Variants in CAPZB observed in about 807,000 individuals in gnomAD.
CAPZB encodes the protein F-actin-capping protein subunit beta.
Under a neutral mutation model 38.1 loss-of-function variants are expected in CAPZB, and 2 were observed. That is an observed-to-expected ratio of 0.05 (90% CI 0.02 to 0.17). The LOEUF is 0.17. Among genes scored for constraint, CAPZB ranks in the 10% least tolerant of loss-of-function variants. The pLI is 1.00. For synonymous variants in CAPZB, 107 were observed against 127.4 expected, an observed-to-expected ratio of 0.84 and a Z score of 1.08; for missense variants, 161 against 334.2, an observed-to-expected ratio of 0.48 and a Z score of 4.04.
chr1:19,406,059 G>A (rs1160061429), intron 2 of CAPZB, among the ~76,000 whole-genome samples: 1 of 152,172 alleles, frequency 6.6e-6, no homozygotes, highest in African/African-American at 2.4e-5. Context: ...TGACTGACAG[G>A]GTCTCTAATG....
intron 1 of CAPZB, among the ~76,000 whole-genome samples, chr1:19,471,673 G>A (rs890007394): frequency 1.1e-4 from 17 of 152,112 alleles, no homozygotes; most frequent in South Asian, 6.2e-4. Flanking sequence ...GACCATCCTG[G>A]CTAACACGGT....
chr1:19,459,037 T>C (rs1224486750), intron 1 of CAPZB, among the ~76,000 whole-genome samples: 2 of 152,188 alleles, frequency 1.3e-5, no homozygotes, highest in African/African-American at 4.8e-5. Context: ...CAGGAAGGTG[T>C]GGTAGGGAAA....
At chr1:19,341,859 A>AC (rs1438600367) in intron 8 of CAPZB, among the ~76,000 whole-genome samples, 3 of 152,106 alleles carry the variant, frequency 2.0e-5, no homozygotes, top group Non-Finnish European at 2.9e-5. Flanking sequence ...TAAGTGCCTG[A>AC]CCCCACCTCC....
chr1:19,455,592 T>A (rs1012879361), intron 1 of CAPZB, among the ~76,000 whole-genome samples: 1 of 152,170 alleles, frequency 6.6e-6, no homozygotes, highest in Non-Finnish European at 1.5e-5. Flanking sequence ...CCCTGCCGCA[T>A]CTTGGGTCTC....
chr1:19,484,065 G>A, intron 1 of CAPZB: 1 of 944,396 alleles, frequency 1.1e-6, no homozygotes, highest in Non-Finnish European at 1.6e-6. Context: ...TGGCAGGAGG[G>A]CAGGTCTATC....
chr1:19,415,147 C>T (rs1026498220), intron 2 of CAPZB, among the ~76,000 whole-genome samples: 1 of 152,272 alleles, frequency 6.6e-6, no homozygotes, highest in Admixed American at 6.5e-5. Flanking sequence ...TTAAGCGAGG[C>T]CATTCCCTTC....
At chr1:19,373,675 TTTTTA>T (rs1167333894) in intron 4 of CAPZB, among the ~76,000 whole-genome samples, 5 of 145,302 alleles carry the variant, frequency 3.4e-5, no homozygotes, top group South Asian at 2.3e-4. Flanking sequence ...TTTCACATAT[TTTTTA>T]TTTTTTAGTT....
rs568167496 is a variant in CAPZB, at chr1:19,480,914, C to A, written c.3+4522G>T. Among the ~76,000 whole-genome samples, 7 of 152,338 alleles carry A rather than the reference C, an allele frequency of 4.6e-5. No individual in the cohort carries two copies. In the South Asian group the frequency reaches 1.4e-3, roughly 32 times the overall value. On this transcript the variant is annotated intron_variant, in intron 1 of 8. Transcript: ENST00000264202. ...AAAACCCAATTCCTCCACTTAGTAG[C>A]TAGACAGGGACTAACCATACACCCC...
chr1:19,422,729 A>AAACAACAACAAC (rs60458604), intron 1 of CAPZB, among the ~76,000 whole-genome samples: 2,807 of 150,434 alleles, frequency 0.019, 36 homozygotes, highest in Middle Eastern at 0.031. Context: ...TCCATCTCAA[A>AAACAACAACAAC]AACAACAACA....
intron 2 of CAPZB, among the ~76,000 whole-genome samples, chr1:19,407,520 G>A (rs577976163): frequency 6.6e-6 from 1 of 152,316 alleles, no homozygotes; most frequent in South Asian, 2.1e-4. Context: ...CAAGAGGTGA[G>A]CAGTGCTGAT....
intron 1 of CAPZB, among the ~76,000 whole-genome samples, chr1:19,436,171 C>G (rs765854018): frequency 6.6e-6 from 1 of 152,200 alleles, no homozygotes; most frequent in Non-Finnish European, 1.5e-5. Flanking sequence ...GAAAATTCCA[C>G]AAACAATTTG....
At chr1:19,477,755 CT>C (rs1028297157) in intron 1 of CAPZB, among the ~76,000 whole-genome samples, 4 of 152,186 alleles carry the variant, frequency 2.6e-5, no homozygotes, top group Admixed American at 6.5e-5. Context: ...CTTTTCATAA[CT>C]TTTTTTGAAA....
chr1:19,353,375 C>G (rs910210909), intron 6 of CAPZB, among the ~76,000 whole-genome samples: 3 of 152,090 alleles, frequency 2.0e-5, no homozygotes, highest in Non-Finnish European at 4.4e-5. Flanking sequence ...AGGAGGAACT[C>G]GAGTGAGGGG....
chr1:19,446,927 A>T (rs880361), intron 1 of CAPZB, among the ~76,000 whole-genome samples: 33,985 of 152,132 alleles, frequency 0.22, 4,274 homozygotes, highest in Non-Finnish European at 0.27. Flanking sequence ...TCCGTGATCC[A>T]TCACGCCAAC....
chr1:19,344,575 G>A (rs1425449396), intron 7 of CAPZB, 141 bp from the exon 8 acceptor site: 7 of 678,386 alleles, frequency 1.0e-5, no homozygotes, highest in Non-Finnish European at 1.6e-5. Flanking sequence ...CAGTGAGCGC[G>A]CTCCAGGCTG....
At chr1:19,430,135 G>A (rs968632356) in intron 1 of CAPZB, among the ~76,000 whole-genome samples, 1 of 152,038 alleles carries the variant, frequency 6.6e-6, no homozygotes, top group Admixed American at 6.5e-5. Context: ...TGAGGCCATC[G>A]AAACCAGACA....
At chr1:19,442,425 G>T (rs1232273348) in intron 1 of CAPZB, among the ~76,000 whole-genome samples, 1 of 152,106 alleles carries the variant, frequency 6.6e-6, no homozygotes, top group African/African-American at 2.4e-5. Context: ...ACAGATAATT[G>T]GGGGCTCATT....
At chr1:19,460,919 C>T (rs1042541857) in intron 1 of CAPZB, among the ~76,000 whole-genome samples, 4 of 152,076 alleles carry the variant, frequency 2.6e-5, no homozygotes, top group Admixed American at 1.3e-4. Context: ...AGGAAAGGGG[C>T]ACCAGGAGCT....
At chr1:19,443,915 G>T (rs1290878200) in intron 1 of CAPZB, among the ~76,000 whole-genome samples, 2 of 152,176 alleles carry the variant, frequency 1.3e-5, no homozygotes, top group Non-Finnish European at 2.9e-5. Flanking sequence ...GAAATATCTG[G>T]TGGGTTCATA....
Sources: gnomAD v4.1 joint callset for allele counts (sites outside exome capture counted in the v4.1 genomes callset) on GRCh38, gnomAD v4.1.1 for gene constraint, MANE v1.5 for transcripts, NCBI Gene and HGNC (gene_info 2026-07-23, HGNC 2026-07-21) for gene names.